EPHB1: variants seen among roughly 807,000 people sequenced by gnomAD.
EPHB1 encodes ephrin type-B receptor 1.
A neutral mutation model predicts 94.4 loss-of-function variants in EPHB1; 30 were observed. The observed-to-expected ratio is 0.32, with a 90% CI of 0.24 to 0.43. The LOEUF is 0.43. EPHB1 is among the 20% of genes least tolerant of loss of function. The pLI is 1.00. For missense variants in EPHB1, 1,055 were observed against 1,308.3 expected (o/e 0.81, Z 2.99); for synonymous variants, 522 against 489.1 (o/e 1.07, Z -0.89).
chr3:135,075,480 CT>C (rs1276149308), intron 3 of EPHB1, among the ~76,000 whole-genome samples: 1 of 152,212 alleles, frequency 6.6e-6, no homozygotes, highest in Non-Finnish European at 1.5e-5. Context: ...GGTAGAAGGC[CT>C]TTTGACCTGT....
At position 134,937,156 on chromosome 3, in the gene EPHB1, C is replaced by A. The variant is rs115800358; in HGVS notation, c.123+11276C>A. Among the ~76,000 whole-genome samples the A allele has an allele frequency of 6.8e-3, 1,033 of 152,294 alleles. 13 individuals carry two copies. Among genetic ancestry groups the A allele is most frequent in the African/African-American group, 0.024 (987 of 41,540 alleles). On this transcript the variant is annotated intron_variant, in intron 2 of 15. Transcript: ENST00000398015. ...TGTCATTCAAAGAATATTCTTGCAC[C>A]TGGGAAGCCAAGTCCAGGAGGCAAA...
chr3:134,810,231 A>G (rs1455683985), intron 1 of EPHB1, among the ~76,000 whole-genome samples: 1 of 151,508 alleles, frequency 6.6e-6, no homozygotes, highest in East Asian at 1.9e-4. Context: ...TTGGCAATTA[A>G]CATTCTTTCC....
intron 2 of EPHB1, among the ~76,000 whole-genome samples, chr3:134,938,794 T>G (rs2039060428): frequency 6.6e-6 from 1 of 152,128 alleles, no homozygotes; most frequent in Admixed American, 6.5e-5. Context: ...CCTCACGAGA[T>G]AGGTACTATT....
intron 3 of EPHB1, among the ~76,000 whole-genome samples, chr3:135,020,319 G>T (rs2107753938): frequency 6.6e-6 from 1 of 152,218 alleles, no homozygotes; most frequent in Non-Finnish European, 1.5e-5. Flanking sequence ...TCAATTCAGT[G>T]GTTTTTAGTG....
At chr3:135,044,432 C>T (rs1454118097) in intron 3 of EPHB1, among the ~76,000 whole-genome samples, 2 of 152,194 alleles carry the variant, frequency 1.3e-5, no homozygotes, top group Non-Finnish European at 2.9e-5. Flanking sequence ...CTCTTCTTTG[C>T]AGCACATTGT....
chr3:135,031,563 A>G (rs973615250), intron 3 of EPHB1, among the ~76,000 whole-genome samples: 15 of 152,184 alleles, frequency 9.9e-5, no homozygotes, highest in African/African-American at 3.6e-4. Flanking sequence ...GCCTGCCTGG[A>G]TCTCCCAAAT....
intron 2 of EPHB1, among the ~76,000 whole-genome samples, chr3:134,946,113 T>C (rs1330605803): frequency 7.9e-5 from 12 of 152,196 alleles, no homozygotes; most frequent in Non-Finnish European, 1.8e-4. Context: ...AAAGCATCGT[T>C]CCAGTTTTTG....
intron 3 of EPHB1, among the ~76,000 whole-genome samples, chr3:135,050,912 T>G (rs867556953): frequency 6.8e-6 from 1 of 147,942 alleles, no homozygotes; most frequent in Non-Finnish European, 1.5e-5. Flanking sequence ...TAAACACCCT[T>G]TGTGTGTGTG....
intron 3 of EPHB1, among the ~76,000 whole-genome samples, chr3:135,015,777 T>A (rs945019165): frequency 2.0e-5 from 3 of 152,204 alleles, no homozygotes; most frequent in Non-Finnish European, 2.9e-5. Context: ...CTGGGACTGC[T>A]TTAGCTGGAT....
rs770760791 is a variant in EPHB1 at position 134,879,419 on chromosome 3, T to C, written c.59-46397T>C. 1.6e-4 allele frequency among the ~76,000 whole-genome samples: 24 copies of C among 152,080 alleles called. 1 individual carries two copies. Among genetic ancestry groups the C allele is most frequent in the Non-Finnish European group, 3.4e-4 (23 of 68,022 alleles). ...TGGGAGGCCGAGGTGGGTGGATCGC[T>C]TAAGCTGAGGAGTTTGAGACTAGCC... is the stretch of plus-strand genomic sequence containing the variant. On this transcript the variant is annotated intron_variant, in intron 1 of 15. Coordinates refer to ENST00000398015, the MANE Select transcript of EPHB1 (RefSeq NM_004441.5).
At chr3:135,255,630 C>T (rs1258655122) in intron 15 of EPHB1, among the ~76,000 whole-genome samples, 1 of 150,120 alleles carries the variant, frequency 6.7e-6, no homozygotes, top group Non-Finnish European at 1.5e-5. Flanking sequence ...GAGAGCTTTA[C>T]TTCCAAGTAT....
At chr3:134,898,080 TCTGTGGGGTGGG>T (rs1294166119) in intron 1 of EPHB1, among the ~76,000 whole-genome samples, 3 of 151,798 alleles carry the variant, frequency 2.0e-5, no homozygotes, top group African/African-American at 7.3e-5. Flanking sequence ...GATTCCGGAG[TCTGTGGGGTGGG>T]CTGTGGTGAG....
chr3:135,252,961 G>A (rs1314439455), intron 15 of EPHB1, among the ~76,000 whole-genome samples: 2 of 149,180 alleles, frequency 1.3e-5, no homozygotes, highest in South Asian at 2.2e-4. Context: ...TTTCTCTGAT[G>A]GCCAGTGATG....
Position 134,972,626 on chromosome 3 carries a change from C to T in EPHB1, c.805+20574C>T, listed in dbSNP as rs143073297. 6.1e-5 allele frequency among the ~76,000 whole-genome samples: 9 copies of T among 148,632 alleles called. No homozygotes were observed. The East Asian group carries it at 9.8e-4, about 16-fold the overall frequency. ...GTCAAAACAGGGTTACAAAAATTGC[C>T]GTAATATTTGCATTCAACAAACAAG... On this transcript the variant is annotated intron_variant, in intron 3 of 15. Transcript: ENST00000398015.
intron 10 of EPHB1, among the ~76,000 whole-genome samples, chr3:135,183,026 T>TTTTCTTTTCTTTTCTTTCTTTCTTTC (rs1553745483): frequency 5.3e-5 from 5 of 94,684 alleles, no homozygotes; most frequent in East Asian, 2.7e-4. Context: ...TTTTCTTTTC[T>TTTTCTTTTCTTTTCTTTCTTTCTTTC]TTTCTTTCTT....
chr3:134,842,192 G>T (rs1273361186), intron 1 of EPHB1, among the ~76,000 whole-genome samples: 1 of 152,214 alleles, frequency 6.6e-6, no homozygotes, highest in African/African-American at 2.4e-5. Context: ...TGGAGAAGTT[G>T]CTGTCTATGA....
intron 1 of EPHB1, among the ~76,000 whole-genome samples, chr3:134,832,044 T>A (rs961879304): frequency 2.6e-5 from 4 of 152,402 alleles, no homozygotes; most frequent in Non-Finnish European, 5.9e-5. Context: ...CAACTAAATC[T>A]GAATTCCAAG....
chr3:135,060,398 A>G (rs1026281418), intron 3 of EPHB1, among the ~76,000 whole-genome samples: 1 of 152,236 alleles, frequency 6.6e-6, no homozygotes, highest in African/African-American at 2.4e-5. Flanking sequence ...TTGTATGGAT[A>G]TACCACATTT....
intron 1 of EPHB1, among the ~76,000 whole-genome samples, chr3:134,910,618 GGACATGCATTCCCT>G (rs1280249034): frequency 2.0e-5 from 3 of 152,174 alleles, no homozygotes; most frequent in Non-Finnish European, 4.4e-5. Context: ...AGGCAGGGCT[GGACATGCATTCCCT>G]GACAAGAAGG....
Sources: gnomAD v4.1 joint callset for allele counts (sites outside exome capture counted in the v4.1 genomes callset) on GRCh38, gnomAD v4.1.1 for gene constraint, MANE v1.5 for transcripts, NCBI Gene and HGNC (gene_info 2026-07-23, HGNC 2026-07-21) for gene names.